Variants in ASRGL1 observed in about 807,000 individuals in gnomAD.
ASRGL1 encodes asparaginase and isoaspartyl peptidase 1.
In ASRGL1, 16 loss-of-function variants were observed where a neutral mutation model predicts 22.4. The observed-to-expected ratio is 0.71, with a 90% CI of 0.48 to 1.08. The LOEUF (loss-of-function observed/expected upper bound fraction) is 1.08, where lower values mean the gene tolerates loss of function less well. Ranked by LOEUF, ASRGL1 falls within the 50% of genes least tolerant of loss-of-function variation. ASRGL1 has a pLI of 0.00. For missense variants in ASRGL1, 412 were observed against 410.1 expected, an observed-to-expected ratio of 1.00 and a Z score of -0.04; for synonymous variants, 165 against 159.3, an observed-to-expected ratio of 1.04 and a Z score of -0.27.
At chr11:62,367,592 T>TGA (rs1565165281) in intron 4 of ASRGL1, among the ~76,000 whole-genome samples, 1 of 142,956 alleles carries the variant, frequency 7.0e-6, no homozygotes, top group Admixed American at 6.9e-5. Context: ...TGCGGTGAGC[T>TGA]GAGATCACAC....
At chr11:62,398,544 G>A in the ASRGL1 span, among the ~76,000 whole-genome samples, 17 of 152,052 alleles carry the variant, frequency 1.1e-4, no homozygotes, top group Admixed American at 6.5e-4. Flanking sequence ...CCGGGGGCTC[G>A]AACCCCCAAA....
At chr11:62,394,711 T>C (rs1947409720), downstream of ASRGL1, among the ~76,000 whole-genome samples, 1 of 152,202 alleles carries the variant, frequency 6.6e-6, no homozygotes. Context: ...AAGATTACCG[T>C]AGGCTCAGCT....
chr11:62,356,425 T>A lies in ASRGL1; in HGVS notation c.291T>A (p.Cys97Ter). 1.2e-6 allele frequency: 2 copies of A among 1,614,250 alleles called. No individual in the cohort carries two copies. The highest frequency in any genetic ancestry group is 2.7e-5 in the African/African-American group (2 of 75,074). ...CAGGAGCAGTGTCCGCAGTCCAGTGTATAGCAAATCCCATTAAACTTGCTC... is the reference window on the plus strand; with the variant it reads ...CAGGAGCAGTGTCCGCAGTCCAGTGAATAGCAAATCCCATTAAACTTGCTC... Reference protein sequence around the residue: ...LSAGAVSAVQCIANPIKLARL... With the variant: ...LSAGAVSAVQ The change falls in exon 3 of 7, where the codon TGT becomes TGA. Residue 97 changes from cysteine (C) to a stop codon, truncating the protein, a stop_gained. Coordinates refer to ENST00000415229, the MANE Select transcript of ASRGL1 (RefSeq NM_001083926.2). LOFTEE classifies it high-confidence loss of function.
At chr11:62,394,309 AAAT>A (rs1366323209), downstream of ASRGL1, among the ~76,000 whole-genome samples, 3 of 142,562 alleles carry the variant, frequency 2.1e-5, no homozygotes, top group African/African-American at 5.1e-5. Flanking sequence ...TATTATATAA[AAAT>A]ATATGATATA....
intron 4 of ASRGL1, among the ~76,000 whole-genome samples, chr11:62,375,426 CT>C (rs1946889093): frequency 1.5e-5 from 1 of 68,056 alleles, no homozygotes; most frequent in Non-Finnish European, 2.8e-5. Context: ...AATTGTCTTA[CT>C]TTATATATAT....
At position 62,345,808 on chromosome 11, in the gene ASRGL1, C is replaced by A. The variant is rs560876226; in HGVS notation, c.190+7641C>A. The stretch of plus-strand genomic sequence containing the variant: ...AGTTTCATGGAAGACAGTGTTTCCA[C>A]AGAGACTCTCGCAGGCACAGTTCAC... On this transcript the variant is annotated intron_variant, in intron 2 of 6. Coordinates refer to ENST00000415229, the MANE Select transcript of ASRGL1 (RefSeq NM_001083926.2). Among the ~76,000 whole-genome samples, 3 of 152,338 alleles carry A rather than the reference C, an allele frequency of 2.0e-5. No individual in the cohort carries two copies. In the South Asian group the frequency reaches 6.2e-4, roughly 32 times the overall value.
intron 2 of ASRGL1, among the ~76,000 whole-genome samples, chr11:62,351,667 G>T (rs566415795): frequency 6.7e-6 from 1 of 148,376 alleles, no homozygotes; most frequent in South Asian, 2.2e-4. Context: ...AAAAAAAATC[G>T]TTTTTTTTGG....
chr11:62,338,016 T>A lies in ASRGL1; in HGVS notation c.39T>A (p.Gly13=). Residue 13 remains glycine (G), a synonymous_variant, in exon 2 of 7, where the codon GGT becomes GGA. Coordinates refer to ENST00000415229, the MANE Select transcript of ASRGL1 (RefSeq NM_001083926.2). Reference sequence around the variant, plus strand: ...TAGTGGTCCACGGCGGCGGAGCCGGTCCCATCTCCAAGGATCGGAAGGAGC... The same window carrying A: ...TAGTGGTCCACGGCGGCGGAGCCGGACCCATCTCCAAGGATCGGAAGGAGC... ...PIVVVHGGGA[G]PISKDRKERV... 1 of 1,607,094 alleles carries A rather than the reference T, an allele frequency of 6.2e-7. No individual in the cohort carries two copies. Among genetic ancestry groups the A allele is most frequent in the South Asian group, 1.1e-5 (1 of 89,746 alleles).
At chr11:62,378,527 C>T (rs185927314) in intron 4 of ASRGL1, among the ~76,000 whole-genome samples, 17 of 152,102 alleles carry the variant, frequency 1.1e-4, no homozygotes, top group Admixed American at 9.8e-4. Flanking sequence ...TCCTGCTCCG[C>T]CAGAGGGATG....
intron 2 of ASRGL1, among the ~76,000 whole-genome samples, chr11:62,352,017 C>G (rs1946178782): frequency 6.6e-6 from 1 of 152,176 alleles, no homozygotes; most frequent in South Asian, 2.1e-4. Flanking sequence ...CTGCTGGCAA[C>G]AAATTGTTTC....
rs376795522 is a variant in ASRGL1 at position 62,356,341 on chromosome 11, G to A, written c.207G>A (p.Leu69=). Residue 69 remains leucine (L), a synonymous_variant, in exon 3 of 7, where the codon TTG becomes TTA. Transcript: ENST00000415229. ...PEFNAGCGSV[L]NTNGEVEMDA... is the part of the protein sequence containing the mutation. ...TGGTTTTAGGTTGTGGGTCTGTCTT[G>A]AACACAAATGGTGAGGTTGAAATGG... 4 of 1,614,020 alleles carry A rather than the reference G, an allele frequency of 2.5e-6. No individual in the cohort carries two copies. The highest frequency in any genetic ancestry group is 3.4e-6 in the Non-Finnish European group (4 of 1,179,994).
chr11:62,376,635 ACACTCCTT>A (rs1946938970), intron 4 of ASRGL1, among the ~76,000 whole-genome samples: 1 of 152,158 alleles, frequency 6.6e-6, no homozygotes, highest in African/African-American at 2.4e-5. Flanking sequence ...GAGGAGTGGT[ACACTCCTT>A]ACTGTCTCCC....
intron 2 of ASRGL1, among the ~76,000 whole-genome samples, chr11:62,338,900 ACT>A (rs1945795395): frequency 7.5e-6 from 1 of 133,796 alleles, no homozygotes; most frequent in Non-Finnish European, 1.5e-5. Context: ...AGCCGAGATC[ACT>A]CCAGCCTGGG....
chr11:62,361,431 C>T (rs575619412), intron 4 of ASRGL1, among the ~76,000 whole-genome samples: 1 of 151,136 alleles, frequency 6.6e-6, no homozygotes, highest in Non-Finnish European at 1.5e-5. Flanking sequence ...AGGGATCTTC[C>T]CTCCTGCTTG....
chr11:62,370,467 G>A (rs1277794902), intron 4 of ASRGL1, among the ~76,000 whole-genome samples: 1 of 152,148 alleles, frequency 6.6e-6, no homozygotes, highest in Non-Finnish European at 1.5e-5. Context: ...TGCAGTATGA[G>A]GCCACAGTAA....
chr11:62,383,339 C>G (rs1180649668), intron 4 of ASRGL1: 1 of 152,222 alleles, frequency 6.6e-6, no homozygotes, highest in African/African-American at 2.4e-5. Flanking sequence ...CGCGGTGGCT[C>G]ACGCATGTAA....
chr11:62,389,605 A>T, intron 5 of ASRGL1: 1 of 363,966 alleles, frequency 2.7e-6, no homozygotes, highest in South Asian at 2.2e-5. Flanking sequence ...AGTAAGACTT[A>T]CTCCCGAGAC....
intron 2 of ASRGL1, among the ~76,000 whole-genome samples, chr11:62,353,194 G>A (rs1946206152): frequency 6.6e-6 from 1 of 152,008 alleles, no homozygotes; most frequent in African/African-American, 2.4e-5. Context: ...CTGTTCTGCT[G>A]TTAAGCCCAT....
At chr11:62,353,874 C>G (rs1001946726) in intron 2 of ASRGL1, among the ~76,000 whole-genome samples, 1 of 152,080 alleles carries the variant, frequency 6.6e-6, no homozygotes, top group Non-Finnish European at 1.5e-5. Context: ...TAAAGGGATG[C>G]CTTGTTATTG....
Sources: allele counts gnomAD v4.1 joint callset (sites outside exome capture counted in the v4.1 genomes callset), GRCh38; gene constraint gnomAD v4.1.1; transcripts MANE v1.5; gene names NCBI Gene and HGNC (gene_info 2026-07-23, HGNC 2026-07-21).